Variants in CNTNAP2 observed in about 807,000 individuals in gnomAD.
CNTNAP2 encodes the protein contactin-associated protein-like 2.
In CNTNAP2, 98 loss-of-function variants were observed where a neutral mutation model predicts 155.2. The ratio of observed to expected loss-of-function variants is 0.63; its 90% confidence interval spans 0.54 to 0.75. The LOEUF is 0.75. Ranked by LOEUF, CNTNAP2 falls within the 30% of genes least tolerant of loss-of-function variation. The pLI is 0.00. For synonymous variants in CNTNAP2, 651 were observed against 631.2 expected (o/e 1.03, Z -0.47); for missense variants, 1,727 against 1,688.1 (o/e 1.02, Z -0.40).
chr7:146,271,756 A>T (rs1054597390), intron 1 of CNTNAP2, among the ~76,000 whole-genome samples: 4 of 152,026 alleles, frequency 2.6e-5, no homozygotes, highest in Admixed American at 6.5e-5. Context: ...TTGACATTTT[A>T]AGTTGTTTCT....
intron 1 of CNTNAP2, among the ~76,000 whole-genome samples, chr7:146,223,824 G>A (rs559252590): frequency 2.0e-5 from 3 of 152,132 alleles, no homozygotes; most frequent in African/African-American, 7.2e-5. Flanking sequence ...TCCTAAAGAG[G>A]TTATTACCAA....
intron 21 of CNTNAP2, among the ~76,000 whole-genome samples, chr7:148,331,652 G>A (rs942974034): frequency 9.9e-5 from 15 of 150,878 alleles, no homozygotes; most frequent in South Asian, 2.1e-4. Context: ...TGGAATGGAC[G>A]GATGGAGTGG....
At chr7:147,254,386 A>G (rs1804272721) in intron 8 of CNTNAP2, among the ~76,000 whole-genome samples, 1 of 152,206 alleles carries the variant, frequency 6.6e-6, no homozygotes, top group South Asian at 2.1e-4. Context: ...TAATAGGAAA[A>G]ATGTATCACC....
At chr7:146,431,799 G>A (rs1796177201) in intron 1 of CNTNAP2, among the ~76,000 whole-genome samples, 1 of 152,018 alleles carries the variant, frequency 6.6e-6, no homozygotes, top group Non-Finnish European at 1.5e-5. Context: ...CAGACAGCCT[G>A]GCTCTAGACT....
At chr7:147,204,533 G>A (rs1563115212) in intron 8 of CNTNAP2, among the ~76,000 whole-genome samples, 2 of 152,052 alleles carry the variant, frequency 1.3e-5, no homozygotes, top group South Asian at 4.1e-4. Flanking sequence ...GAAATCCATA[G>A]TAAACTCCAT....
At chr7:147,377,054 G>A (rs1266707533) in intron 9 of CNTNAP2, among the ~76,000 whole-genome samples, 2 of 151,600 alleles carry the variant, frequency 1.3e-5, no homozygotes, top group African/African-American at 4.8e-5. Flanking sequence ...CAATAGTTCT[G>A]TCTTTTCAGT....
At chr7:147,567,352 T>A (rs1800194307) in intron 12 of CNTNAP2, among the ~76,000 whole-genome samples, 1 of 152,144 alleles carries the variant, frequency 6.6e-6, no homozygotes, top group South Asian at 2.1e-4. Context: ...AGTTGAAAGT[T>A]TGTCCTGAGG....
intron 22 of CNTNAP2, 41 bp downstream of exon 22, chr7:148,383,929 T>G: frequency 2.5e-6 from 4 of 1,591,960 alleles, no homozygotes; most frequent in Non-Finnish European, 3.4e-6. Flanking sequence ...CTTCATTTCT[T>G]TAAACCTCAG....
At chr7:147,295,029 T>G (rs1805406917) in intron 8 of CNTNAP2, among the ~76,000 whole-genome samples, 1 of 152,188 alleles carries the variant, frequency 6.6e-6, no homozygotes, top group South Asian at 2.1e-4. Context: ...GTGTCCATGT[T>G]TTTGTCTTAA....
intron 13 of CNTNAP2, among the ~76,000 whole-genome samples, chr7:147,766,760 C>T (rs1347457294): frequency 1.3e-5 from 2 of 152,086 alleles, no homozygotes; most frequent in African/African-American, 4.8e-5. Context: ...CATTAAACTA[C>T]ACATAAAGTT....
chr7:148,396,435 A>C (rs73747623), intron 22 of CNTNAP2, among the ~76,000 whole-genome samples: 3,411 of 152,210 alleles, frequency 0.022, 128 homozygotes, highest in African/African-American at 0.075. Context: ...CCTCTAAATT[A>C]TCCGCCATCA....
chr7:148,223,919 A>G (rs1795795075), intron 19 of CNTNAP2, among the ~76,000 whole-genome samples: 1 of 152,254 alleles, frequency 6.6e-6, no homozygotes, highest in South Asian at 2.1e-4. Context: ...AGCGTTTTGC[A>G]TAATTGCCGG....
chr7:147,903,550 T>C lies in CNTNAP2; in HGVS notation c.2099-15T>C, dbSNP rs75858942. The C allele has an allele frequency of 7.9e-3, 12,751 of 1,614,100 alleles. 832 individuals are homozygous for C. The African/African-American group carries it at 0.15, about 19-fold the overall frequency. On this transcript the variant is annotated splice_polypyrimidine_tract_variant and intron_variant, in intron 13 of 23. Coordinates refer to ENST00000361727, the MANE Select transcript of CNTNAP2 (RefSeq NM_014141.6). ...CCAGGTCTGTTTCTAAATATACCTT[T>C]GCCTTTTCTTGTAGATGGAAGCCCT...
chr7:147,015,465 T>A (rs1798708094), intron 3 of CNTNAP2, among the ~76,000 whole-genome samples: 1 of 152,150 alleles, frequency 6.6e-6, no homozygotes, highest in Non-Finnish European at 1.5e-5. Context: ...ATTACCATTT[T>A]GAAAACACCA....
chr7:146,785,835 A>T, intron 2 of CNTNAP2, among the ~76,000 whole-genome samples: 1 of 152,254 alleles, frequency 6.6e-6, no homozygotes, highest in Non-Finnish European at 1.5e-5. Flanking sequence ...CTGATAAAGC[A>T]TGCCTTTCTT....
chr7:147,883,583 T>C (rs1799557333), intron 13 of CNTNAP2, among the ~76,000 whole-genome samples: 2 of 152,164 alleles, frequency 1.3e-5, no homozygotes, highest in Admixed American at 1.3e-4. Context: ...ATAGAAAAAT[T>C]GCAGCTATTC....
At chr7:147,032,023 C>T (rs1161727401) in intron 3 of CNTNAP2, among the ~76,000 whole-genome samples, 1 of 152,164 alleles carries the variant, frequency 6.6e-6, no homozygotes, top group Non-Finnish European at 1.5e-5. Flanking sequence ...ATTGATGAGA[C>T]TAATTTCTGG....
intron 1 of CNTNAP2, among the ~76,000 whole-genome samples, chr7:146,156,873 A>C (rs185603872): frequency 5.3e-5 from 8 of 152,310 alleles, no homozygotes; most frequent in Non-Finnish European, 8.8e-5. Flanking sequence ...AAGTTCTGGG[A>C]TTACAGGCAT....
intron 1 of CNTNAP2, among the ~76,000 whole-genome samples, chr7:146,565,120 C>T (rs1173435084): frequency 2.0e-5 from 3 of 151,748 alleles, no homozygotes; most frequent in East Asian, 3.9e-4. Flanking sequence ...TAGAGTTAGA[C>T]ATTTGTAAAG....
Sources: allele counts gnomAD v4.1 joint callset (sites outside exome capture counted in the v4.1 genomes callset), GRCh38; gene constraint gnomAD v4.1.1; transcripts MANE v1.5; gene names NCBI Gene and HGNC (gene_info 2026-07-23, HGNC 2026-07-21).